The following UBAP1 variants were observed in gnomAD, a reference collection of about 807,000 sequenced individuals.
The protein encoded by UBAP1 is ubiquitin associated protein 1, also known as ubiquitin-associated protein 1.
Under a neutral mutation model 39.0 loss-of-function variants are expected in UBAP1, and 5 were observed. The ratio of observed to expected loss-of-function variants is 0.13; its 90% CI spans 0.07 to 0.27. UBAP1 has a LOEUF of 0.27. Ranked by LOEUF, UBAP1 falls within the 10% of genes least tolerant of loss-of-function variation. The pLI, the probability that UBAP1 is intolerant of heterozygous loss-of-function variation, is 1.00. For synonymous variants in UBAP1, 211 were observed against 225.1 expected (o/e 0.94, Z 0.56); for missense variants, 490 against 608.1 (o/e 0.81, Z 2.04).
At chr9:34,207,306 A>G (rs866563004) in intron 1 of UBAP1, among the ~76,000 whole-genome samples, 6 of 150,914 alleles carry the variant, frequency 4.0e-5, no homozygotes, top group African/African-American at 1.2e-4. Context: ...TCAGCCTCCC[A>G]AAGTGCTGGG....
chr9:34,235,746 T>TACTC (rs1390176577), intron 3 of UBAP1, among the ~76,000 whole-genome samples: 1 of 152,122 alleles, frequency 6.6e-6, no homozygotes, highest in Non-Finnish European at 1.5e-5. Context: ...ACCATTCGCT[T>TACTC]ACTCACTCAC....
At chr9:34,240,400 C>T (rs577637311) in intron 3 of UBAP1, among the ~76,000 whole-genome samples, 37 of 152,238 alleles carry the variant, frequency 2.4e-4, no homozygotes, top group African/African-American at 8.7e-4. Context: ...TGTCTCTCAC[C>T]TTGGACATTA....
chr9:34,239,992 GGAAA>G (rs1208579964), intron 3 of UBAP1, among the ~76,000 whole-genome samples: 1 of 152,046 alleles, frequency 6.6e-6, no homozygotes, highest in Non-Finnish European at 1.5e-5. Flanking sequence ...TGCTAGAAAA[GGAAA>G]GAAATTTCCA....
intron 1 of UBAP1, among the ~76,000 whole-genome samples, chr9:34,216,546 AGTG>A (rs1475599482): frequency 2.6e-5 from 4 of 151,470 alleles, no homozygotes; most frequent in East Asian, 3.9e-4. Flanking sequence ...GCTGCAGTGC[AGTG>A]GTGCGATCAT....
rs1487670950 is a variant in UBAP1 at position 34,182,663 on chromosome 9, CTTTCTTTCTTTCTT to C, written c.-8+3425_-8+3438del. 1.7e-3 allele frequency among the ~76,000 whole-genome samples: 108 copies of C among 62,824 alleles called. 1 individual carries two copies. Among genetic ancestry groups the C allele is most frequent in the South Asian group, 7.2e-3 (9 of 1,258 alleles). 41.2% of individuals were successfully genotyped at this position (62,824 alleles called of 152,430 possible). On this transcript the variant is annotated intron_variant, in intron 1 of 6. Transcript: ENST00000297661. Reference sequence around the variant, plus strand: ...TCTTTCTTTCTTTCTTTCTTTCTTTCTTTCTTTCTTTCTTTCTTTCTCTCTCTCTTTCTTTTCTT... The same window carrying C: ...TCTTTCTTTCTTTCTTTCTTTCTTTCTCTTTCTCTCTCTCTTTCTTTTCTT...
At chr9:34,228,569 TC>T (rs371616909) in intron 2 of UBAP1, among the ~76,000 whole-genome samples, 78,429 of 137,418 alleles carry the variant, frequency 0.57, 22,936 homozygotes, top group East Asian at 0.75. Context: ...TTTCTTTGTT[TC>T]CCCCCCCCCC....
chr9:34,230,874 TTTCATATTAAATATAAG>T (rs1333170269), intron 2 of UBAP1, among the ~76,000 whole-genome samples: 1 of 152,118 alleles, frequency 6.6e-6, no homozygotes, highest in Admixed American at 6.6e-5. Context: ...AATTTTCAAT[TTTCATATTAAATATAAG>T]TTGGAACTGG....
chr9:34,190,382 TGG>T (rs1445488018), intron 1 of UBAP1, among the ~76,000 whole-genome samples: 3 of 152,072 alleles, frequency 2.0e-5, no homozygotes, highest in Non-Finnish European at 4.4e-5. Context: ...CTCTGCCTCC[TGG>T]GTCCAAGCGA....
At chr9:34,202,624 CGTGTGTGT>C (rs56012034) in intron 1 of UBAP1, among the ~76,000 whole-genome samples, 4,204 of 107,294 alleles carry the variant, frequency 0.039, 118 homozygotes, top group East Asian at 0.049. Context: ...TAGACAGAAA[CGTGTGTGT>C]GTGTGTGTGT....
At chr9:34,214,634 AAT>A (rs1832197450) in intron 1 of UBAP1, among the ~76,000 whole-genome samples, 1 of 152,156 alleles carries the variant, frequency 6.6e-6, no homozygotes, top group South Asian at 2.1e-4. Context: ...AACAAAGATA[AAT>A]AGCTGGGACC....
intron 1 of UBAP1, among the ~76,000 whole-genome samples, chr9:34,195,863 C>G (rs931053960): frequency 7.0e-6 from 1 of 143,526 alleles, no homozygotes; most frequent in African/African-American, 2.6e-5. Context: ...TCCCAAAGTG[C>G]TGGGATTACA....
In UBAP1 at chr9:34,189,189, C is replaced by CT. The variant is rs779162347; in HGVS notation, c.-8+9965dup. On this transcript the variant is annotated intron_variant, in intron 1 of 6. Coordinates refer to ENST00000297661, the MANE Select transcript of UBAP1 (RefSeq NM_016525.5). ...TCTTTCTTCTAGTAGATCATTATAT[C>CT]TTTTTTTTTTTTTTTTAAAGACAGA... is the stretch of plus-strand genomic sequence containing the variant. Among the ~76,000 whole-genome samples, 744 of 138,808 alleles carry CT rather than the reference C, an allele frequency of 5.4e-3. 6 individuals carry two copies. The highest frequency in any genetic ancestry group is 0.014 in the Admixed American group (188 of 13,688). The allele number at this position is 138,808 out of a possible 152,430, so 91.1% of individuals were successfully genotyped here. A position where few individuals can be genotyped will look rare whatever the true frequency, so the allele number is the denominator to read the frequency against.
At chr9:34,188,616 A>G (rs1366429395) in intron 1 of UBAP1, among the ~76,000 whole-genome samples, 1 of 151,938 alleles carries the variant, frequency 6.6e-6, no homozygotes, top group East Asian at 1.9e-4. Flanking sequence ...TGTTACTACC[A>G]CTGGCCTATT....
intron 1 of UBAP1, among the ~76,000 whole-genome samples, chr9:34,179,446 G>A (rs746682426): frequency 9.9e-5 from 15 of 152,124 alleles, no homozygotes; most frequent in Non-Finnish European, 2.2e-4. Flanking sequence ...GGAGTTGAAG[G>A]GGCGGAGGGG....
chr9:34,214,223 A>C (rs1842326271), intron 1 of UBAP1, among the ~76,000 whole-genome samples: 1 of 152,234 alleles, frequency 6.6e-6, no homozygotes, highest in Non-Finnish European at 1.5e-5. Context: ...AGCAAGACTA[A>C]GCAAAGAGAA....
intron 1 of UBAP1, among the ~76,000 whole-genome samples, chr9:34,214,166 A>G (rs1832170469): frequency 6.6e-6 from 1 of 152,176 alleles, no homozygotes; most frequent in Non-Finnish European, 1.5e-5. Flanking sequence ...ATTAGAAACA[A>G]CATTTCTAAA....
chr9:34,249,826 C>G lies in UBAP1; in HGVS notation c.1131C>G (p.Ser377Arg). The G allele has an allele frequency of 6.2e-7, 1 of 1,614,250 alleles. No individual in the cohort carries two copies. The highest frequency in any genetic ancestry group is 1.1e-5 in the South Asian group (1 of 91,090). Residue 377 changes from serine (S) to arginine (R), a missense_variant, in exon 5 of 7, where the codon AGC becomes AGG. Physicochemically the swap from Ser to Arg is moderately radical, Grantham distance 110. Transcript: ENST00000297661. ...FSVSQVPNMP[S>R]CPQAYSELQM... ...TGTCACAAGTGCCCAACATGCCCAG[C>G]TGTCCCCAGGCCTATTCTGAACTGC...
intron 6 of UBAP1, 65 bp from the exon 7 acceptor site, chr9:34,251,327 T>G: frequency 6.4e-7 from 1 of 1,552,224 alleles, no homozygotes; most frequent in Admixed American, 1.7e-5. Context: ...ACACACACAC[T>G]CCTTCACTCA....
rs367993166 is a variant in UBAP1, at chr9:34,251,396, T to C, written c.1373T>C (p.Met458Thr). 3.7e-6 allele frequency: 6 copies of C among 1,614,048 alleles called. No individual in the cohort carries two copies. The African/African-American group carries it at 6.7e-5, about 18-fold the overall frequency. The part of the protein sequence containing the change: ...EMHQCSEEKM[M>T]EFLQLMSKFK... ...GTGTTCTCTTCTCTCCCTTAGATGA[T>C]GGAGTTTCTTCAGTTAATGAGCAAA... is the stretch of plus-strand genomic sequence containing the variant. Residue 458 changes from methionine to threonine, a missense_variant, in exon 7 of 7, where the codon ATG becomes ACG. Met to Thr is a moderately conservative substitution (Grantham distance 81). This residue lies in a region of UBAP1 where 339 missense variants were observed against 390.0 expected (regional missense o/e 0.87). Coordinates refer to ENST00000297661, the MANE Select transcript of UBAP1 (RefSeq NM_016525.5).
Sources: gnomAD v4.1 joint callset for allele counts (sites outside exome capture counted in the v4.1 genomes callset) on GRCh38, gnomAD v4.1.1 for gene constraint, gnomAD v4.1.1 regional missense constraint, MANE v1.5 for transcripts, NCBI Gene and HGNC (gene_info 2026-07-23, HGNC 2026-07-21) for gene names.